GRXCR2: variants seen among roughly 807,000 people sequenced by gnomAD.
GRXCR2 encodes the protein glutaredoxin and cysteine rich domain containing 2.
GRXCR2 carries 23 observed loss-of-function variants against 24.8 expected under a neutral mutation model. The observed-to-expected ratio is 0.93, with a 90% confidence interval of 0.67 to 1.32. The LOEUF (loss-of-function observed/expected upper bound fraction) is 1.32, where lower values mean the gene tolerates loss of function less well. GRXCR2 is among the 40% of genes most tolerant of loss of function. The probability of loss-of-function intolerance (pLI) is 0.00; values close to 1 mark genes in which losing one functional copy is unlikely to be tolerated. For synonymous variants in GRXCR2, 130 were observed against 116.1 expected (o/e 1.12, Z -0.77); for missense variants, 315 against 303.4 (o/e 1.04, Z -0.28).
At chr5:145,907,604 G>T (rs901632070) in intron 2 of GRXCR2, among the ~76,000 whole-genome samples, 1 of 152,088 alleles carries the variant, frequency 6.6e-6, no homozygotes. Context: ...GGAGACCACA[G>T]AAACCAAGAG....
intron 2 of GRXCR2, among the ~76,000 whole-genome samples, chr5:145,915,538 A>G (rs1010098504): frequency 8.5e-5 from 13 of 152,170 alleles, no homozygotes; most frequent in Admixed American, 8.5e-4. Context: ...TAATCCTAAC[A>G]CTTTGGGAGG....
chr5:145,896,120 C>T (rs1414617002), intron 2 of GRXCR2, among the ~76,000 whole-genome samples: 1 of 152,038 alleles, frequency 6.6e-6, no homozygotes, highest in Non-Finnish European at 1.5e-5. Flanking sequence ...ATACCTTATA[C>T]AAAAATTAAT....
chr5:145,876,018 T>C (rs1756607567), upstream of GRXCR2, among the ~76,000 whole-genome samples: 1 of 150,344 alleles, frequency 6.7e-6, no homozygotes, highest in Non-Finnish European at 1.5e-5. Flanking sequence ...TTTTTAAAAA[T>C]TATCTGGGCA....
chr5:145,905,054 G>A (rs1757071985), intron 2 of GRXCR2, among the ~76,000 whole-genome samples: 1 of 152,176 alleles, frequency 6.6e-6, no homozygotes, highest in Non-Finnish European at 1.5e-5. Context: ...ACACATCCAT[G>A]CTCAGAGCCA....
At chr5:145,897,072 G>A (rs1465706596) in intron 2 of GRXCR2, among the ~76,000 whole-genome samples, 4 of 144,112 alleles carry the variant, frequency 2.8e-5, no homozygotes, top group African/African-American at 1.0e-4. Context: ...CTCATAGGTG[G>A]GAATTGAACA....
chr5:145,860,330 C>T (rs1173767670), intron 2 of GRXCR2, among the ~76,000 whole-genome samples: 1 of 152,134 alleles, frequency 6.6e-6, no homozygotes, highest in Non-Finnish European at 1.5e-5. Flanking sequence ...TCCATCTAAT[C>T]CTCACAAAAT....
At chr5:145,899,574 G>A (rs1185077290) in intron 2 of GRXCR2, among the ~76,000 whole-genome samples, 4 of 151,930 alleles carry the variant, frequency 2.6e-5, no homozygotes, top group African/African-American at 9.7e-5. Flanking sequence ...TAAACCTATG[G>A]AACAAAATAA....
At chr5:145,923,371 G>A (rs1432769) in intron 2 of GRXCR2, among the ~76,000 whole-genome samples, 98,836 of 152,150 alleles carry the variant, frequency 0.65, 33,568 homozygotes, top group African/African-American at 0.84. Context: ...ACAGATGACT[G>A]TATGCAATAT....
At chr5:145,884,550 T>G (rs557639666) in intron 2 of GRXCR2, among the ~76,000 whole-genome samples, 2 of 152,258 alleles carry the variant, frequency 1.3e-5, no homozygotes, top group East Asian at 1.9e-4. Flanking sequence ...TGTCTGTAAT[T>G]TATTATTAAA....
chr5:145,922,422 C>T (rs942430588), intron 2 of GRXCR2, among the ~76,000 whole-genome samples: 6 of 152,160 alleles, frequency 3.9e-5, no homozygotes, highest in African/African-American at 1.4e-4. Flanking sequence ...CATGTGCTGA[C>T]CGTCATTACA....
chr5:145,891,679 CCTGCCT>C (rs1353060001), intron 2 of GRXCR2, among the ~76,000 whole-genome samples: 1 of 152,282 alleles, frequency 6.6e-6, no homozygotes, highest in Non-Finnish European at 1.5e-5. Context: ...AGGAGGCCTG[CCTGCCT>C]CTGTAGACTC....
downstream of GRXCR2, among the ~76,000 whole-genome samples, chr5:145,857,994 T>C (rs1040206114): frequency 3.3e-5 from 5 of 152,048 alleles, no homozygotes; most frequent in African/African-American, 1.2e-4. Context: ...GCTCAAACAA[T>C]ATTTGTGACG....
intron 2 of GRXCR2, among the ~76,000 whole-genome samples, chr5:145,889,861 A>T (rs937407967): frequency 2.6e-5 from 4 of 152,222 alleles, no homozygotes; most frequent in Admixed American, 2.6e-4. Flanking sequence ...AGAGATAAAC[A>T]TCTTAAAAAG....
At chr5:145,920,732 C>T (rs186711962) in intron 2 of GRXCR2, among the ~76,000 whole-genome samples, 1 of 152,332 alleles carries the variant, frequency 6.6e-6, no homozygotes, top group Non-Finnish European at 1.5e-5. Flanking sequence ...AGGTTAGTCA[C>T]CATGTGCTAT....
chr5:145,929,258 C>A (rs888740019), intron 2 of GRXCR2, among the ~76,000 whole-genome samples: 7 of 140,810 alleles, frequency 5.0e-5, no homozygotes, highest in Admixed American at 3.0e-4. Flanking sequence ...TATTTTTGGA[C>A]ATCAGGCTGT....
intron 2 of GRXCR2, among the ~76,000 whole-genome samples, chr5:145,930,267 TAG>T (rs1757461151): frequency 6.6e-6 from 1 of 152,062 alleles, no homozygotes; most frequent in Admixed American, 6.6e-5. Context: ...GTATTTTTAG[TAG>T]AGATGAGGTT....
At chr5:145,911,683 A>C (rs1008632159) in intron 2 of GRXCR2, among the ~76,000 whole-genome samples, 2 of 152,202 alleles carry the variant, frequency 1.3e-5, no homozygotes, top group African/African-American at 4.8e-5. Flanking sequence ...TAGCCAGATT[A>C]CTTTTCCCAT....
At chr5:145,875,992 T>C (rs757178294), upstream of GRXCR2, among the ~76,000 whole-genome samples, 41 of 151,220 alleles carry the variant, frequency 2.7e-4, no homozygotes, top group Admixed American at 2.6e-4. Flanking sequence ...AATGAGACTT[T>C]GTCTCTACAA....
chr5:145,863,774 A>G (rs1452597955), intron 2 of GRXCR2, among the ~76,000 whole-genome samples: 2 of 152,136 alleles, frequency 1.3e-5, no homozygotes, highest in Admixed American at 6.5e-5. Flanking sequence ...AGCATGAACT[A>G]CCACACCCGG....
Sources: gnomAD v4.1 joint callset for allele counts (sites outside exome capture counted in the v4.1 genomes callset) on GRCh38, gnomAD v4.1.1 for gene constraint, MANE v1.5 for transcripts, NCBI Gene and HGNC (gene_info 2026-07-23, HGNC 2026-07-21) for gene names.